The following CFAP263 variants were observed in gnomAD, a reference collection of about 807,000 sequenced individuals.
CFAP263 encodes cilia- and flagella-associated protein 263.
the CFAP263 span, among the ~76,000 whole-genome samples, chr16:58,269,393 AGAG>A: frequency 1.1e-3 from 111 of 97,728 alleles, no homozygotes; most frequent in East Asian, 3.1e-4. Flanking sequence ...AAGGAAGGAA[AGAG>A]GAAAGAAAGG....
the CFAP263 span, among the ~76,000 whole-genome samples, chr16:58,255,880 A>G: frequency 6.6e-6 from 1 of 152,124 alleles, no homozygotes; most frequent in Non-Finnish European, 1.5e-5. Context: ...CAGCATTTCT[A>G]TACGGCACAC....
At chr16:58,256,109 G>A in the CFAP263 span, among the ~76,000 whole-genome samples, 1 of 152,130 alleles carries the variant, frequency 6.6e-6, no homozygotes, top group African/African-American at 2.4e-5. Flanking sequence ...GTGGGCATTC[G>A]CAGAATCACA....
the CFAP263 span, among the ~76,000 whole-genome samples, chr16:58,266,803 A>G: frequency 6.6e-6 from 1 of 152,184 alleles, no homozygotes; most frequent in East Asian, 1.9e-4. Flanking sequence ...AGTGAAGGGC[A>G]GATGATGCAG....
the CFAP263 span, among the ~76,000 whole-genome samples, chr16:58,254,609 CT>C: frequency 7.4e-3 from 1,068 of 144,734 alleles, 9 homozygotes; most frequent in East Asian, 0.056. Context: ...ACAGTAATTT[CT>C]TTTTTTTTTT....
the CFAP263 span, among the ~76,000 whole-genome samples, chr16:58,253,803 CAGGGGCTT>C: frequency 6.6e-6 from 1 of 152,296 alleles, no homozygotes; most frequent in African/African-American, 2.4e-5. Flanking sequence ...GTATTTAGTG[CAGGGGCTT>C]AGGATGACTT....
chr16:58,266,389 ATATATATATATATATATTTTTTTTTT>A, the CFAP263 span, among the ~76,000 whole-genome samples: 6 of 30,880 alleles, frequency 1.9e-4, no homozygotes, highest in African/African-American at 9.4e-4. Flanking sequence ...ATATATATAT[ATATATATATATATATATTTTTTTTTT>A]TTTTTTTTTT....
chr16:58,271,155 C>G, the CFAP263 span, among the ~76,000 whole-genome samples: 1 of 152,076 alleles, frequency 6.6e-6, no homozygotes, highest in Non-Finnish European at 1.5e-5. Context: ...TCTGGTATCA[C>G]TTGTTTTCAG....
chr16:58,252,958 G>A, the CFAP263 span: 1 of 1,110,860 alleles, frequency 9.0e-7, no homozygotes, highest in Non-Finnish European at 1.3e-6. Flanking sequence ...AATTGACCAT[G>A]GGACCTTCTC....
the CFAP263 span, among the ~76,000 whole-genome samples, chr16:58,255,633 G>A: frequency 3.3e-5 from 5 of 149,428 alleles, no homozygotes; most frequent in Non-Finnish European, 7.4e-5. Context: ...GCAGTGGTGC[G>A]ATCCCAGCTC....
the CFAP263 span, among the ~76,000 whole-genome samples, chr16:58,274,500 G>A: frequency 6.6e-6 from 1 of 152,168 alleles, no homozygotes; most frequent in Non-Finnish European, 1.5e-5. Context: ...GGAGGGACCT[G>A]GTGGAAGGTG....
chr16:58,250,710 A>T, the CFAP263 span, among the ~76,000 whole-genome samples: 1 of 150,096 alleles, frequency 6.7e-6, no homozygotes, highest in Non-Finnish European at 1.5e-5. Flanking sequence ...GGTTGCAGTG[A>T]GCCGAGATTG....
chr16:58,280,492 C>G, the CFAP263 span: 2 of 1,614,128 alleles, frequency 1.2e-6, no homozygotes, highest in Non-Finnish European at 1.7e-6. Context: ...TCCAACATGG[C>G]CCAGTTCAGA....
chr16:58,251,380 A>G, the CFAP263 span, among the ~76,000 whole-genome samples: 1 of 152,016 alleles, frequency 6.6e-6, no homozygotes, highest in Non-Finnish European at 1.5e-5. Context: ...TTTTTCCACT[A>G]GTTTGTTTTG....
chr16:58,254,059 C>G, the CFAP263 span: 1 of 1,614,170 alleles, frequency 6.2e-7, no homozygotes, highest in Non-Finnish European at 8.5e-7. Context: ...GGCCTGACTG[C>G]CGACCAAAAA....
chr16:58,250,099 C>A, the CFAP263 span: 1 of 1,584,462 alleles, frequency 6.3e-7, no homozygotes, highest in African/African-American at 1.3e-5. Flanking sequence ...GCTGTGCGGG[C>A]TGGTGGAGGA....
chr16:58,270,716 G>GAGTAAA, the CFAP263 span, among the ~76,000 whole-genome samples: 2 of 151,976 alleles, frequency 1.3e-5, no homozygotes, highest in Non-Finnish European at 2.9e-5. Context: ...TTACTCCTCT[G>GAGTAAA]TCTTCTTTTA....
chr16:58,281,908 T>A, the CFAP263 span: 1 of 152,588 alleles, frequency 6.6e-6, no homozygotes, highest in Admixed American at 6.5e-5. Flanking sequence ...AGTGGTGCAA[T>A]CTTGGCTCAC....
At chr16:58,280,873 A>G in the CFAP263 span, 28 of 927,508 alleles carry the variant, frequency 3.0e-5, no homozygotes, top group Non-Finnish European at 3.9e-5. Context: ...CTCACTGGAA[A>G]TGGGGCAAAT....
chr16:58,252,897 T>A, the CFAP263 span: 1 of 1,600,314 alleles, frequency 6.2e-7, no homozygotes, highest in African/African-American at 1.3e-5. Flanking sequence ...GTTTGTCACC[T>A]TAAATGCAAG....
Sources: allele counts gnomAD v4.1 joint callset (sites outside exome capture counted in the v4.1 genomes callset), GRCh38; gene constraint gnomAD v4.1.1; transcripts MANE v1.5; gene names NCBI Gene and HGNC (gene_info 2026-07-23, HGNC 2026-07-21).